The following TRAPPC12 variants were observed in gnomAD, a reference collection of about 807,000 sequenced individuals.
TRAPPC12 encodes the protein trafficking protein particle complex subunit 12.
In TRAPPC12, 61 loss-of-function variants were observed where a neutral mutation model predicts 69.2. The observed-to-expected ratio is 0.88, with a 90% CI of 0.72 to 1.09. The LOEUF (loss-of-function observed/expected upper bound fraction) is 1.09. TRAPPC12 is among the 50% of genes least tolerant of loss of function. The probability of loss-of-function intolerance (pLI) is 0.00; values close to 1 mark genes in which losing one functional copy is unlikely to be tolerated. For synonymous variants in TRAPPC12, 469 were observed against 438.9 expected (o/e 1.07, Z -0.86); for missense variants, 1,101 against 1,016.4 (o/e 1.08, Z -1.13).
intron 6 of TRAPPC12, chr2:3,449,313 G>A (rs991329346): frequency 6.6e-6 from 1 of 152,462 alleles, no homozygotes; most frequent in African/African-American, 2.4e-5. Context: ...TTCGGTTGTA[G>A]TTTCATTCGT....
chr2:3,381,753 G>A (rs150598597), intron 1 of TRAPPC12, among the ~76,000 whole-genome samples: 89 of 152,278 alleles, frequency 5.8e-4, no homozygotes, highest in African/African-American at 2.1e-3. Context: ...TTCCCAGTGC[G>A]TTGAAACTTC....
At chr2:3,450,982 G>A (rs1268892967) in intron 6 of TRAPPC12, among the ~76,000 whole-genome samples, 1 of 152,210 alleles carries the variant, frequency 6.6e-6, no homozygotes. Flanking sequence ...GACCCAGCCA[G>A]AAAACCTGCT....
chr2:3,455,971 A>G (rs10169899), intron 6 of TRAPPC12: 28,208 of 152,108 alleles, frequency 0.19, 2,811 homozygotes, highest in African/African-American at 0.24. Context: ...ATTCCCACCA[A>G]CTGTGGACAA....
chr2:3,470,000 T>C (rs71449673), intron 9 of TRAPPC12, among the ~76,000 whole-genome samples: 14,228 of 152,298 alleles, frequency 0.093, 867 homozygotes, highest in Middle Eastern at 0.14. Flanking sequence ...TCTTGAATGT[T>C]ATCTCCAGAC....
At chr2:3,473,742 A>T (rs900386092) in intron 9 of TRAPPC12, among the ~76,000 whole-genome samples, 22 of 152,208 alleles carry the variant, frequency 1.4e-4, no homozygotes, top group African/African-American at 5.3e-4. Flanking sequence ...AAGTGCTGGG[A>T]TTACAGGCAT....
intron 6 of TRAPPC12, among the ~76,000 whole-genome samples, chr2:3,447,841 C>T (rs1422847734): frequency 1.3e-5 from 2 of 152,200 alleles, no homozygotes; most frequent in Non-Finnish European, 2.9e-5. Flanking sequence ...CTCCAGGGTT[C>T]TCCAGCATGA....
intron 9 of TRAPPC12, among the ~76,000 whole-genome samples, chr2:3,475,173 G>A (rs1019968117): frequency 6.6e-6 from 1 of 152,160 alleles, no homozygotes; most frequent in Non-Finnish European, 1.5e-5. Context: ...ATGATTCACT[G>A]CAGAACTCCT....
rs1662828854 is a variant in TRAPPC12 at position 3,422,057 on chromosome 2, G to A, written c.1278+63G>A. On this transcript the variant is annotated intron_variant, in intron 4 of 11. Coordinates refer to ENST00000324266, the MANE Select transcript of TRAPPC12 (RefSeq NM_016030.6). ...TTATCACAGTCTGGGGACATGGACA[G>A]GACCATGGCCTTTCATGCCAATAAC... 9.4e-6 allele frequency: 12 copies of A among 1,276,634 alleles called. No homozygotes were observed. In the South Asian group the frequency reaches 1.4e-4, roughly 15 times the overall value. The allele number at this position is 1,276,634 out of a possible 1,614,324, so 79.1% of individuals were successfully genotyped here. A position where few individuals can be genotyped will look rare whatever the true frequency, so the allele number is the denominator to read the frequency against.
chr2:3,449,520 A>AC (rs1664738264), intron 6 of TRAPPC12: 1 of 152,292 alleles, frequency 6.6e-6, no homozygotes. Flanking sequence ...AACGTATTCA[A>AC]CAATGTCCAT....
In TRAPPC12 at chr2:3,410,067, C is replaced by T. The variant is rs12614747; in HGVS notation, c.1164+8174C>T. 8.5e-5 allele frequency among the ~76,000 whole-genome samples: 13 copies of T among 152,318 alleles called. No homozygotes were observed. The South Asian group carries it at 2.7e-3, about 32-fold the overall frequency. On this transcript the variant is annotated intron_variant, in intron 3 of 11. Transcript: ENST00000324266. Reference sequence around the variant, plus strand: ...TCTGCCACGTGCTCTTTTGTGTTATCGTCTCAGGGAATTGGGTTGTTCTGA... The same window carrying T: ...TCTGCCACGTGCTCTTTTGTGTTATTGTCTCAGGGAATTGGGTTGTTCTGA...
intron 6 of TRAPPC12, among the ~76,000 whole-genome samples, chr2:3,454,370 T>G (rs1665017890): frequency 6.7e-6 from 1 of 148,990 alleles, no homozygotes; most frequent in Admixed American, 6.7e-5. Context: ...GCCTGGTGTC[T>G]CCATGTCCTA....
intron 6 of TRAPPC12, among the ~76,000 whole-genome samples, chr2:3,451,414 TC>T (rs1181748498): frequency 2.0e-5 from 3 of 152,210 alleles, no homozygotes; most frequent in Admixed American, 6.5e-5. Context: ...TTCTCCAAAC[TC>T]CTCTTCCCTG....
chr2:3,394,865 C>T (rs896260686), intron 2 of TRAPPC12, among the ~76,000 whole-genome samples: 34 of 152,072 alleles, frequency 2.2e-4, no homozygotes, highest in African/African-American at 8.0e-4. Context: ...TAGAATAAAC[C>T]ACAAAGGGCT....
intron 9 of TRAPPC12, 63 bp downstream of exon 9, chr2:3,465,758 C>A: frequency 9.3e-7 from 1 of 1,073,562 alleles, no homozygotes; most frequent in Non-Finnish European, 1.5e-6. Context: ...CTCAGATGGG[C>A]GACTGTTTGC....
chr2:3,457,152 A>G (rs1162957088), intron 6 of TRAPPC12: 1 of 462,712 alleles, frequency 2.2e-6, no homozygotes, highest in South Asian at 1.5e-5. Flanking sequence ...GTTTGCAGCA[A>G]CATGGATACA....
rs1260805866 is a variant in TRAPPC12, at chr2:3,388,237, G to T, written c.614G>T (p.Ser205Ile). 6.2e-7 allele frequency: 1 copy of T among 1,608,406 alleles called. No individual in the cohort carries two copies. Among genetic ancestry groups the T allele is most frequent in the Non-Finnish European group, 8.5e-7 (1 of 1,177,718 alleles). Residue 205 changes from serine to isoleucine, a missense_variant, in exon 2 of 12, where the codon AGC (serine) becomes ATC (isoleucine). By Grantham distance (142) the Ser-to-Ile change is moderately radical. Transcript: ENST00000324266. The stretch of plus-strand genomic sequence containing the variant: ...CCCCAGGTCGTGCAGCCCAGCCCCA[G>T]CCTCAGCACGTTCTTCGGAGACACG... ...TPPQVVQPSP[S>I]LSTFFGDTAA...
In TRAPPC12 at chr2:3,479,552, A is replaced by G; in HGVS notation, c.*91A>G. 6.7e-7 allele frequency: 1 copy of G among 1,494,532 alleles called. No individual in the cohort carries two copies. The allele number at this position is 1,494,532 out of a possible 1,614,324, so 92.6% of individuals were successfully genotyped here. A position where few individuals can be genotyped will look rare whatever the true frequency, so the allele number is the denominator to read the frequency against. On this transcript the variant is annotated 3_prime_UTR_variant, in exon 12 of 12. Transcript: ENST00000324266. Reference sequence around the variant, plus strand: ...TAATGTGACATGGAGGAACTCAATAAAACTCCTGCTTCACTGGTGTCTGCT... The same window carrying G: ...TAATGTGACATGGAGGAACTCAATAGAACTCCTGCTTCACTGGTGTCTGCT...
At chr2:3,477,536 T>C (rs1200274010) in intron 9 of TRAPPC12, among the ~76,000 whole-genome samples, 159 bp from the exon 10 acceptor site, 3 of 152,218 alleles carry the variant, frequency 2.0e-5, no homozygotes, top group Non-Finnish European at 4.4e-5. Context: ...AAATGTCTTT[T>C]GCCTTTTTAT....
chr2:3,415,571 G>A (rs1320972143), intron 3 of TRAPPC12, among the ~76,000 whole-genome samples: 2 of 150,692 alleles, frequency 1.3e-5, no homozygotes, highest in East Asian at 3.9e-4. Context: ...ATCTGGCTAA[G>A]TTTTGTATTT....
Sources: allele counts gnomAD v4.1 joint callset (sites outside exome capture counted in the v4.1 genomes callset), GRCh38; gene constraint gnomAD v4.1.1; transcripts MANE v1.5; gene names NCBI Gene and HGNC (gene_info 2026-07-23, HGNC 2026-07-21).